ADCY8: variants seen among roughly 807,000 people sequenced by gnomAD.
ADCY8 encodes the protein adenylate cyclase type 8.
Under a neutral mutation model 119.7 loss-of-function variants are expected in ADCY8, and 51 were observed. The observed-to-expected ratio is 0.43, with a 90% CI of 0.34 to 0.54. The LOEUF (loss-of-function observed/expected upper bound fraction) is 0.54, where lower values mean the gene tolerates loss of function less well. Ranked by LOEUF, ADCY8 falls within the 20% of genes least tolerant of loss-of-function variation. The pLI is 0.03. For synonymous variants in ADCY8, 665 were observed against 651.0 expected, an observed-to-expected ratio of 1.02 and a Z score of -0.33; for missense variants, 1,383 against 1,598.8, an observed-to-expected ratio of 0.87 and a Z score of 2.30.
At chr8:130,943,497 G>GGGGGGGGGGACC in intron 3 of ADCY8, 35 bp from the exon 4 acceptor site, 2 of 491,350 alleles carry the variant, frequency 4.1e-6, no homozygotes, top group African/African-American at 2.0e-5. Context: ...GTGGGGGGAG[G>GGGGGGGGGGACC]AAGTATATTA....
chr8:130,886,434 G>C (rs1818986727), intron 7 of ADCY8, among the ~76,000 whole-genome samples: 1 of 152,076 alleles, frequency 6.6e-6, no homozygotes, highest in African/African-American at 2.4e-5. Context: ...ATACATGCGG[G>C]GCCAGAGAGT....
chr8:130,983,229 C>A (rs1822291244), intron 2 of ADCY8, among the ~76,000 whole-genome samples: 1 of 152,212 alleles, frequency 6.6e-6, no homozygotes, highest in South Asian at 2.1e-4. Flanking sequence ...AAATCCTTTA[C>A]TCTAAGCGAG....
intron 3 of ADCY8, among the ~76,000 whole-genome samples, chr8:130,950,422 G>A (rs1377839405): frequency 2.6e-5 from 4 of 152,176 alleles, no homozygotes; most frequent in African/African-American, 4.8e-5. Context: ...GAATTGCAGT[G>A]GTGGCCGTGT....
chr8:130,784,677 A>G (rs1435859391), intron 16 of ADCY8, among the ~76,000 whole-genome samples: 1 of 152,204 alleles, frequency 6.6e-6, no homozygotes, highest in South Asian at 2.1e-4. Context: ...GCCAGATTTG[A>G]CCTGTGAGCT....
Position 131,006,442 on chromosome 8 carries a change from G to C in ADCY8, c.961-15900C>G, listed in dbSNP as rs192857801. The stretch of plus-strand genomic sequence containing the variant: ...AATCATATGCCCTTATCAAGAGAAT[G>C]ATTTCCTGGGCAGTGGGGCTTTTTC... On this transcript the variant is annotated intron_variant, in intron 1 of 17. Transcript: ENST00000286355. 3.3e-5 allele frequency among the ~76,000 whole-genome samples: 5 copies of C among 152,278 alleles called. No homozygotes were observed. The East Asian group carries it at 9.7e-4, about 29-fold the overall frequency.
At chr8:130,879,531 G>A (rs1233266815) in intron 8 of ADCY8, among the ~76,000 whole-genome samples, 2 of 152,072 alleles carry the variant, frequency 1.3e-5, no homozygotes, top group Non-Finnish European at 2.9e-5. Flanking sequence ...CAATTTTTGA[G>A]GGCAACTTCA....
At chr8:130,885,475 A>G (rs1031284022) in intron 7 of ADCY8, among the ~76,000 whole-genome samples, 2 of 152,000 alleles carry the variant, frequency 1.3e-5, no homozygotes, top group African/African-American at 4.8e-5. Context: ...CATAACCACC[A>G]CGGCTGGTCA....
At chr8:130,938,991 G>C (rs1276298964) in intron 4 of ADCY8, among the ~76,000 whole-genome samples, 1 of 152,148 alleles carries the variant, frequency 6.6e-6, no homozygotes, top group East Asian at 1.9e-4. Flanking sequence ...ATGGAACTTA[G>C]AAAGTTTCTT....
intron 8 of ADCY8, among the ~76,000 whole-genome samples, chr8:130,873,411 C>T (rs1411489770): frequency 6.7e-6 from 1 of 149,742 alleles, no homozygotes; most frequent in Non-Finnish European, 1.5e-5. Flanking sequence ...CTCCACCTTG[C>T]AGGTTCAAGT....
At chr8:131,017,467 G>T (rs1433869388) in intron 1 of ADCY8, among the ~76,000 whole-genome samples, 2 of 152,300 alleles carry the variant, frequency 1.3e-5, no homozygotes, top group East Asian at 1.9e-4. Context: ...CTAAGTCCTT[G>T]TCTCCACACA....
chr8:130,935,337 AT>A (rs1384477986), intron 5 of ADCY8: 1 of 152,220 alleles, frequency 6.6e-6, no homozygotes, highest in African/African-American at 2.4e-5. Flanking sequence ...AATGCTTAAA[AT>A]TCTATTAAGA....
intron 7 of ADCY8, among the ~76,000 whole-genome samples, chr8:130,895,585 T>C (rs1819359345): frequency 6.6e-6 from 1 of 152,110 alleles, no homozygotes; most frequent in Non-Finnish European, 1.5e-5. Context: ...CCACTAATGA[T>C]TCTCCCTGGC....
chr8:130,873,499 T>A (rs754942310), intron 8 of ADCY8, among the ~76,000 whole-genome samples: 1 of 152,146 alleles, frequency 6.6e-6, no homozygotes, highest in African/African-American at 2.4e-5. Flanking sequence ...TTTGTATTTT[T>A]AGTAGAGACG....
chr8:130,868,170 C>T (rs893588616), intron 8 of ADCY8, among the ~76,000 whole-genome samples: 2 of 152,122 alleles, frequency 1.3e-5, no homozygotes, highest in African/African-American at 4.8e-5. Flanking sequence ...ATGAGCTTAT[C>T]CAGTTCTTCC....
intron 1 of ADCY8, among the ~76,000 whole-genome samples, chr8:130,992,382 CATATATATATATATATATATATATATAT>C (rs1161136558): frequency 2.0e-4 from 16 of 78,088 alleles, no homozygotes; most frequent in Admixed American, 1.3e-3. Flanking sequence ...CTGTATCTGG[CATATATATATATATATATATATATATAT>C]ATATATATAT....
At chr8:130,796,838 C>T (rs867963276) in intron 15 of ADCY8, among the ~76,000 whole-genome samples, 3 of 151,094 alleles carry the variant, frequency 2.0e-5, no homozygotes, top group African/African-American at 7.3e-5. Context: ...CTCCCCTCCT[C>T]CCCATCTACT....
intron 14 of ADCY8, among the ~76,000 whole-genome samples, chr8:130,803,703 T>C (rs1437694604): frequency 1.3e-5 from 2 of 152,190 alleles, no homozygotes; most frequent in African/African-American, 4.8e-5. Flanking sequence ...AGTTAAGTCA[T>C]TGTTTTGGAT....
chr8:130,909,157 C>G (rs956946675), intron 6 of ADCY8, among the ~76,000 whole-genome samples: 1 of 152,186 alleles, frequency 6.6e-6, no homozygotes, highest in Non-Finnish European at 1.5e-5. Context: ...AATCTTGATA[C>G]AACTTTTCAA....
intron 1 of ADCY8, among the ~76,000 whole-genome samples, chr8:131,022,671 A>T (rs572220512): frequency 6.6e-5 from 10 of 152,280 alleles, no homozygotes; most frequent in African/African-American, 2.4e-4. Context: ...AGAATGAACC[A>T]TTTCTCAAGT....
Sources: gnomAD v4.1 joint callset for allele counts (sites outside exome capture counted in the v4.1 genomes callset) on GRCh38, gnomAD v4.1.1 for gene constraint, MANE v1.5 for transcripts, NCBI Gene and HGNC (gene_info 2026-07-23, HGNC 2026-07-21) for gene names.